Variants in RTL4 observed in about 807,000 individuals in gnomAD.
RTL4 encodes retrotransposon Gag-like protein 4.
In RTL4, 4 loss-of-function variants were observed where a neutral mutation model predicts 5.3. That is an observed-to-expected ratio of 0.75 (90% CI 0.37 to 1.72). The LOEUF (loss-of-function observed/expected upper bound fraction) is 1.72. Among genes scored for constraint, RTL4 ranks in the 40% most tolerant of loss-of-function variants. The pLI is 0.04. For synonymous variants in RTL4, 98 were observed against 87.3 expected (o/e 1.12, Z -0.68); for missense variants, 260 against 227.1 (o/e 1.14, Z -0.93).
chrX:112,162,608 A>T, the RTL4 span, among the ~76,000 whole-genome samples: 1 of 111,951 alleles, frequency 8.9e-6, no homozygotes, highest in African/African-American at 3.2e-5. Context: ...TCTTTAGATA[A>T]CATCATATGG....
the RTL4 span, among the ~76,000 whole-genome samples, chrX:112,126,795 T>G: frequency 9.0e-6 from 1 of 111,534 alleles, no homozygotes. Flanking sequence ...CCCCAACAAA[T>G]TAGATAACCT....
At chrX:112,289,097 T>C in the RTL4 span, among the ~76,000 whole-genome samples, 1 of 111,870 alleles carries the variant, frequency 8.9e-6, no homozygotes, top group Non-Finnish European at 1.9e-5. Flanking sequence ...ATTGTGTCTC[T>C]TATCACAGGG....
At chrX:112,247,791 G>A in the RTL4 span, among the ~76,000 whole-genome samples, 1 of 111,994 alleles carries the variant, frequency 8.9e-6, no homozygotes, top group African/African-American at 3.2e-5. Context: ...TCTGCCCAGT[G>A]ATCAGTGATG....
the RTL4 span, among the ~76,000 whole-genome samples, chrX:112,393,161 G>GTTTT: frequency 3.0e-3 from 215 of 71,134 alleles, no homozygotes; most frequent in African/African-American, 6.9e-3. Context: ...TTTTTTTTTT[G>GTTTT]TTTTTTTTTT....
chrX:112,106,444 A>G, the RTL4 span, among the ~76,000 whole-genome samples: 1 of 112,145 alleles, frequency 8.9e-6, no homozygotes, highest in South Asian at 3.7e-4. Context: ...GGTAGAATGT[A>G]GCAGTGATGC....
chrX:112,218,967 A>T, the RTL4 span, among the ~76,000 whole-genome samples: 1 of 111,917 alleles, frequency 8.9e-6, no homozygotes. Context: ...GGATTCATAT[A>T]GGTGATAGAG....
chrX:112,303,773 T>TA, the RTL4 span, among the ~76,000 whole-genome samples: 9 of 103,894 alleles, frequency 8.7e-5, no homozygotes, highest in Non-Finnish European at 1.4e-4. Flanking sequence ...TAAAAAAAAT[T>TA]AAAAAAAAAG....
At chrX:112,208,213 T>C in the RTL4 span, among the ~76,000 whole-genome samples, 3 of 111,849 alleles carry the variant, frequency 2.7e-5, no homozygotes, top group African/African-American at 9.7e-5. Context: ...GTAGAGAAGA[T>C]GTTCATGTTC....
the RTL4 span, among the ~76,000 whole-genome samples, chrX:112,356,830 G>T: frequency 9.0e-6 from 1 of 111,582 alleles, no homozygotes; most frequent in Non-Finnish European, 1.9e-5. Context: ...TTATGGATTG[G>T]TAAACCCTGG....
chrX:112,311,728 T>G, the RTL4 span, among the ~76,000 whole-genome samples: 3 of 111,496 alleles, frequency 2.7e-5, no homozygotes, highest in African/African-American at 9.8e-5. Context: ...ACCATTTCTG[T>G]AGGTGCTCTG....
At chrX:112,181,640 C>G in the RTL4 span, among the ~76,000 whole-genome samples, 4 of 112,144 alleles carry the variant, frequency 3.6e-5, no homozygotes, top group Admixed American at 3.8e-4. Flanking sequence ...GATTCCTCCT[C>G]TCTGGGCAGG....
At chrX:112,326,511 C>T in the RTL4 span, among the ~76,000 whole-genome samples, 4 of 111,999 alleles carry the variant, frequency 3.6e-5, no homozygotes, top group Admixed American at 9.4e-5. Context: ...CCTACGCCCA[C>T]GGAGTCTTTG....
chrX:112,221,301 C>T, the RTL4 span, among the ~76,000 whole-genome samples: 3 of 111,698 alleles, frequency 2.7e-5, no homozygotes, highest in Non-Finnish European at 3.8e-5. Context: ...ATGATCCAAT[C>T]ATCTCTCACT....
chrX:112,366,144 A>G, the RTL4 span, among the ~76,000 whole-genome samples: 1 of 110,922 alleles, frequency 9.0e-6, no homozygotes, highest in Non-Finnish European at 1.9e-5. Flanking sequence ...ATTGGATGGA[A>G]AGCAAATGCA....
chrX:112,230,477 C>T, the RTL4 span, among the ~76,000 whole-genome samples: 6 of 112,361 alleles, frequency 5.3e-5, no homozygotes, highest in East Asian at 5.6e-4. Flanking sequence ...TTGCGCTTCC[C>T]GGGTGAGGCA....
At chrX:112,327,382 G>A in the RTL4 span, among the ~76,000 whole-genome samples, 5 of 111,888 alleles carry the variant, frequency 4.5e-5, no homozygotes, top group East Asian at 8.4e-4. Flanking sequence ...GACCTGATGC[G>A]ATCAACTGGA....
chrX:112,200,888 A>T, the RTL4 span, among the ~76,000 whole-genome samples: 1,355 of 111,927 alleles, frequency 0.012, 14 homozygotes, highest in African/African-American at 0.04. Flanking sequence ...AAGAGTTGGA[A>T]TTCAGAGAGT....
At chrX:112,380,560 GTTTTGTGATT>G in the RTL4 span, among the ~76,000 whole-genome samples, 2 of 112,305 alleles carry the variant, frequency 1.8e-5, no homozygotes, top group African/African-American at 6.5e-5. Context: ...ATTGTTTCCA[GTTTTGTGATT>G]ATGGATTATC....
At chrX:112,350,587 A>G in the RTL4 span, among the ~76,000 whole-genome samples, 1 of 111,485 alleles carries the variant, frequency 9.0e-6, no homozygotes, top group Admixed American at 9.5e-5. Context: ...TTCCTGATTT[A>G]GTCTTGGGAG....
Sources: allele counts gnomAD v4.1 joint callset (sites outside exome capture counted in the v4.1 genomes callset), GRCh38; gene constraint gnomAD v4.1.1; transcripts MANE v1.5; gene names NCBI Gene and HGNC (gene_info 2026-07-23, HGNC 2026-07-21).